The following ADAMTS17 variants were observed in gnomAD, a reference collection of about 807,000 sequenced individuals.
ADAMTS17 encodes ADAM metallopeptidase with thrombospondin type 1 motif 17.
A neutral mutation model predicts 141.5 loss-of-function variants in ADAMTS17; 113 were observed. That is an observed-to-expected ratio of 0.80 (90% confidence interval 0.69 to 0.93). ADAMTS17 has a LOEUF of 0.93. ADAMTS17 is among the 40% of genes least tolerant of loss of function. The pLI is 0.00. For synonymous variants in ADAMTS17, 768 were observed against 630.6 expected (o/e 1.22, Z -3.27); for missense variants, 1,659 against 1,517.9 (o/e 1.09, Z -1.54).
intron 15 of ADAMTS17, among the ~76,000 whole-genome samples, chr15:100,061,790 C>T (rs762686242): frequency 1.4e-4 from 21 of 152,200 alleles, no homozygotes; most frequent in Non-Finnish European, 2.1e-4. Flanking sequence ...ACCACTACTT[C>T]GACCTCCAAA....
At chr15:99,991,435 G>A (rs1160580271) in intron 20 of ADAMTS17, among the ~76,000 whole-genome samples, 1 of 152,156 alleles carries the variant, frequency 6.6e-6, no homozygotes, top group Non-Finnish European at 1.5e-5. Context: ...CATCATCACT[G>A]GTCATTAGAG....
chr15:99,984,353 G>T (rs754360657), intron 20 of ADAMTS17, among the ~76,000 whole-genome samples: 5 of 152,320 alleles, frequency 3.3e-5, no homozygotes, highest in Admixed American at 1.3e-4. Flanking sequence ...AAAAGCTGCA[G>T]TGAGACAGCT....
chr15:100,098,846 C>T (rs777953404), intron 14 of ADAMTS17, among the ~76,000 whole-genome samples: 12 of 152,312 alleles, frequency 7.9e-5, no homozygotes, highest in Non-Finnish European at 1.5e-4. Context: ...AGGGCCAATG[C>T]CCACAGAGCT....
chr15:100,118,632 C>A (rs921963178), intron 12 of ADAMTS17, among the ~76,000 whole-genome samples: 1 of 152,154 alleles, frequency 6.6e-6, no homozygotes, highest in South Asian at 2.1e-4. Flanking sequence ...GCAGAAGGGG[C>A]CTCGGACAGC....
intron 2 of ADAMTS17, among the ~76,000 whole-genome samples, chr15:100,337,310 A>G (rs529210268): frequency 4.6e-5 from 7 of 152,244 alleles, no homozygotes; most frequent in Non-Finnish European, 8.8e-5. Context: ...CGTGCTACCA[A>G]CATGGACACG....
rs538130545 is a variant in ADAMTS17 at position 100,053,866 on chromosome 15, C to T, written c.2295+31G>A. On this transcript the variant is annotated intron_variant, in intron 16 of 21. Transcript: ENST00000268070. ...AGTAGACCTCTCGGAGCCACACCCC[C>T]TAAGACAAGTGTGGAAGCCCAGCAA... is the stretch of plus-strand genomic sequence containing the variant. 4 of 1,614,130 alleles carry T rather than the reference C, an allele frequency of 2.5e-6. No individual in the cohort carries two copies. In the South Asian group the frequency reaches 4.4e-5, roughly 18 times the overall value.
At chr15:100,095,638 T>C (rs2141014628) in intron 15 of ADAMTS17, among the ~76,000 whole-genome samples, 1 of 152,342 alleles carries the variant, frequency 6.6e-6, no homozygotes, top group Non-Finnish European at 1.5e-5. Flanking sequence ...CCTCTCCAGC[T>C]GGCTTGCCTG....
Position 100,254,238 on chromosome 15 carries a change from A to G in ADAMTS17, c.1032-59T>C, listed in dbSNP as rs77271723. The stretch of plus-strand genomic sequence containing the variant: ...CAGTATCCCCAAGAATGGGAGAAGA[A>G]AACACTGTGAATTAACCTCAAGTAG... On this transcript the variant is annotated intron_variant, in intron 6 of 21. Transcript: ENST00000268070. 1,327 of 1,477,684 alleles carry G rather than the reference A, an allele frequency of 9.0e-4. 7 individuals are homozygous for G. The African/African-American group carries it at 0.015, about 17-fold the overall frequency. The allele number at this position is 1,477,684 out of a possible 1,614,324, so 91.5% of individuals were successfully genotyped here.
At chr15:100,124,281 A>G (rs57210048) in intron 12 of ADAMTS17, among the ~76,000 whole-genome samples, 5,293 of 152,286 alleles carry the variant, frequency 0.035, 267 homozygotes, top group African/African-American at 0.11. Context: ...TAGGACTCCT[A>G]AACGTGAATA....
intron 15 of ADAMTS17, among the ~76,000 whole-genome samples, chr15:100,082,692 C>T (rs1429466712): frequency 3.3e-5 from 5 of 150,486 alleles, no homozygotes; most frequent in Non-Finnish European, 5.9e-5. Flanking sequence ...TTTGTGGCTA[C>T]GATATCATCT....
At chr15:100,070,717 A>G (rs1034828387) in intron 15 of ADAMTS17, among the ~76,000 whole-genome samples, 1 of 150,064 alleles carries the variant, frequency 6.7e-6, no homozygotes, top group Non-Finnish European at 1.5e-5. Flanking sequence ...ACAACATACC[A>G]GAATCTCTGG....
chr15:100,086,146 A>G (rs895692631), intron 15 of ADAMTS17, among the ~76,000 whole-genome samples: 1 of 152,150 alleles, frequency 6.6e-6, no homozygotes, highest in African/African-American at 2.4e-5. Context: ...AAAGGGATGA[A>G]GGAAGACCTA....
intron 8 of ADAMTS17, among the ~76,000 whole-genome samples, chr15:100,195,517 T>C (rs1380989092): frequency 1.3e-5 from 2 of 151,008 alleles, no homozygotes; most frequent in East Asian, 1.9e-4. Flanking sequence ...ACAGAACTAT[T>C]GATCATTTTC....
chr15:100,324,275 A>C (rs2045830131), intron 3 of ADAMTS17, among the ~76,000 whole-genome samples: 1 of 152,188 alleles, frequency 6.6e-6, no homozygotes, highest in Non-Finnish European at 1.5e-5. Context: ...ACTACACTCT[A>C]GCCAGGGTGA....
At chr15:100,273,702 C>T (rs972424176) in intron 4 of ADAMTS17, among the ~76,000 whole-genome samples, 1 of 152,108 alleles carries the variant, frequency 6.6e-6, no homozygotes, top group African/African-American at 2.4e-5. Context: ...CCATAGCAAT[C>T]CAAAGCTAAA....
chr15:100,152,780 C>T lies in ADAMTS17; in HGVS notation c.1323-18G>A, dbSNP rs1479063959. The T allele has an allele frequency of 6.2e-7, 1 of 1,613,924 alleles. No individual in the cohort carries two copies. Among genetic ancestry groups the T allele is most frequent in the South Asian group, 1.1e-5 (1 of 91,084 alleles). ...CTTTTGACCTGAAACAGCCGAGAGG[C>T]AAGTTGACTTGCAAATGTACTGCCT... On this transcript the variant is annotated intron_variant, in intron 9 of 21. Transcript: ENST00000268070.
intron 10 of ADAMTS17, among the ~76,000 whole-genome samples, chr15:100,135,822 G>A (rs2038301474): frequency 6.6e-6 from 1 of 152,126 alleles, no homozygotes; most frequent in African/African-American, 2.4e-5. Context: ...CATATGAAAA[G>A]GTGCTCAACT....
intron 7 of ADAMTS17, among the ~76,000 whole-genome samples, chr15:100,201,674 T>C (rs1288978258): frequency 6.6e-6 from 1 of 152,158 alleles, no homozygotes; most frequent in African/African-American, 2.4e-5. Flanking sequence ...TAGTTAAAAA[T>C]AAATAAAGAA....
chr15:100,188,450 G>A (rs1357738581), intron 8 of ADAMTS17, among the ~76,000 whole-genome samples: 1 of 151,892 alleles, frequency 6.6e-6, no homozygotes, highest in African/African-American at 2.4e-5. Flanking sequence ...AATTTTTAGG[G>A]AGAGTCTGAC....
Sources: allele counts gnomAD v4.1 joint callset (sites outside exome capture counted in the v4.1 genomes callset), GRCh38; gene constraint gnomAD v4.1.1; transcripts MANE v1.5; gene names NCBI Gene and HGNC (gene_info 2026-07-23, HGNC 2026-07-21).